The following SCN1A variants were observed in gnomAD, a reference collection of about 807,000 sequenced individuals.
The protein encoded by SCN1A is sodium channel protein type 1 subunit alpha.
Under a neutral mutation model 193.7 loss-of-function variants are expected in SCN1A, and 13 were observed. The ratio of observed to expected loss-of-function variants is 0.07; its 90% CI spans 0.04 to 0.11. The LOEUF is 0.11. Ranked by LOEUF, SCN1A falls within the 10% of genes least tolerant of loss-of-function variation. The pLI, the probability that SCN1A is intolerant of heterozygous loss-of-function variation, is 1.00. For synonymous variants in SCN1A, 781 were observed against 843.6 expected, an observed-to-expected ratio of 0.93 and a Z score of 1.29; for missense variants, 1,432 against 2,451.1, an observed-to-expected ratio of 0.58 and a Z score of 8.78.
intron 27 of SCN1A, among the ~76,000 whole-genome samples, chr2:165,994,907 T>C (rs1042789820): frequency 2.6e-5 from 4 of 152,058 alleles, no homozygotes; most frequent in Admixed American, 2.6e-4. Flanking sequence ...TCTATAACAT[T>C]ATGCATTTAA....
chr2:166,134,769 G>T (rs1193729213), intron 1 of SCN1A, among the ~76,000 whole-genome samples: 1 of 152,104 alleles, frequency 6.6e-6, no homozygotes, highest in South Asian at 2.1e-4. Flanking sequence ...TTTATATGAT[G>T]GTTATCTGTC....
At chr2:166,078,921 C>T (rs1285099115) in intron 2 of SCN1A, among the ~76,000 whole-genome samples, 1 of 151,498 alleles carries the variant, frequency 6.6e-6, no homozygotes, top group African/African-American at 2.4e-5. Flanking sequence ...GATTTTCCTT[C>T]TAAGTTTTAA....
At chr2:166,139,027 CT>C (rs1336477609) in intron 1 of SCN1A, among the ~76,000 whole-genome samples, 13 of 152,196 alleles carry the variant, frequency 8.5e-5, no homozygotes, top group African/African-American at 3.1e-4. Flanking sequence ...TGTAGTTCCT[CT>C]GTTTTGGCCA....
At chr2:165,995,056 G>T (rs560367269) in intron 27 of SCN1A, among the ~76,000 whole-genome samples, 1 of 151,726 alleles carries the variant, frequency 6.6e-6, no homozygotes. Context: ...AAAACTTCAC[G>T]TTCTTTGTCG....
At chr2:166,055,449 T>A (rs1227289762) in intron 6 of SCN1A, among the ~76,000 whole-genome samples, 2 of 151,894 alleles carry the variant, frequency 1.3e-5, no homozygotes, top group Non-Finnish European at 2.9e-5. Flanking sequence ...TACTTTAGAA[T>A]TTTTTTGTAT....
chr2:166,067,128 A>T (rs1683924383), intron 4 of SCN1A, among the ~76,000 whole-genome samples: 1 of 152,096 alleles, frequency 6.6e-6, no homozygotes, highest in Admixed American at 6.6e-5. Context: ...CTCTTTGAAA[A>T]TAGGTGCTTA....
chr2:166,016,778 G>GT (rs1693365115), intron 19 of SCN1A: 1 of 151,746 alleles, frequency 6.6e-6, no homozygotes, highest in Non-Finnish European at 1.5e-5. Flanking sequence ...ATCTAGTACA[G>GT]TATTTTCTAA....
intron 4 of SCN1A, chr2:166,071,993 C>A (rs1309142005): frequency 1.3e-5 from 2 of 152,096 alleles, no homozygotes; most frequent in Admixed American, 1.3e-4. Context: ...TTTTGTGACG[C>A]TCTTTCCTCC....
chr2:166,111,008 C>T (rs978114033), intron 2 of SCN1A, among the ~76,000 whole-genome samples: 2 of 152,070 alleles, frequency 1.3e-5, no homozygotes, highest in Non-Finnish European at 2.9e-5. Context: ...ACTGTGAGTC[C>T]GTTAAACTGC....
chr2:166,058,590 A>T lies in SCN1A; in HGVS notation c.363T>A (p.Ala121=). 1 of 1,601,878 alleles carries T rather than the reference A, an allele frequency of 6.2e-7. No homozygotes were observed. The highest frequency in any genetic ancestry group is 8.6e-7 in the Non-Finnish European group (1 of 1,169,232). Residue 121 remains alanine (A), a synonymous_variant, in exon 5 of 29, where the codon GCT becomes GCA. Transcript: ENST00000674923. ...GATATGAATGTACCAAAATCTTAATAGCTATTTTCCTAAGAGGATTGAAGG... is the reference window on the plus strand; with the variant it reads ...GATATGAATGTACCAAAATCTTAATTGCTATTTTCCTAAGAGGATTGAAGG... ...LTPFNPLRKI[A]IKILVHSLFS...
At chr2:166,023,852 T>C (rs1376831245) in intron 19 of SCN1A, among the ~76,000 whole-genome samples, 1 of 151,920 alleles carries the variant, frequency 6.6e-6, no homozygotes, top group East Asian at 1.9e-4. Context: ...CTCGGCTCAC[T>C]GTGACCTCTG....
rs114911607 is a variant in SCN1A, at chr2:166,014,335, C to T, written c.3551-437G>A. On this transcript the variant is annotated intron_variant, in intron 20 of 28. Coordinates refer to ENST00000674923, the MANE Select transcript of SCN1A (RefSeq NM_001165963.4). ...CTTCCAACAATGCTGCATTTGTTAC[C>T]ATTTAGGATTTTTTGTGATGTGCCT... Among the ~76,000 whole-genome samples, 1,249 of 151,210 alleles carry T rather than the reference C, an allele frequency of 8.3e-3. 20 individuals carry two copies. The highest frequency in any genetic ancestry group is 0.029 in the African/African-American group (1,195 of 41,342).
intron 2 of SCN1A, among the ~76,000 whole-genome samples, chr2:166,105,295 A>T (rs368648306): frequency 6.6e-6 from 1 of 152,238 alleles, no homozygotes; most frequent in South Asian, 2.1e-4. Flanking sequence ...TGAGAGAATG[A>T]ATTTGGTTAT....
Position 166,045,208 on chromosome 2 carries a change from A to G in SCN1A, c.1497T>C (p.Asn499=). The change falls in exon 13 of 29, where the codon AAT becomes AAC. Residue 499 remains asparagine, a synonymous_variant. Transcript: ENST00000674923. ...CTTTCTGTTTTCTTTTCTTCCTCCG[A>G]TTTCTTCTTTCCTTAGCACTCTTGG... The part of the protein sequence containing the change: ...LSSKSAKERR[N]RRKKRKQKEQ... The G allele has an allele frequency of 6.2e-7, 1 of 1,613,806 alleles. No homozygotes were observed.
intron 4 of SCN1A, among the ~76,000 whole-genome samples, chr2:166,063,322 T>C (rs1289766354): frequency 1.3e-5 from 2 of 152,124 alleles, no homozygotes; most frequent in East Asian, 3.8e-4. Context: ...GTAACATTCA[T>C]ACAATAGGGT....
intron 2 of SCN1A, among the ~76,000 whole-genome samples, chr2:166,106,576 G>A (rs1688719498): frequency 6.6e-6 from 1 of 152,144 alleles, no homozygotes; most frequent in African/African-American, 2.4e-5. Context: ...GCACTGAAGT[G>A]AGGATGTGTC....
At chr2:166,055,249 C>T (rs1465767232) in intron 6 of SCN1A, among the ~76,000 whole-genome samples, 5 of 150,114 alleles carry the variant, frequency 3.3e-5, no homozygotes, top group African/African-American at 1.2e-4. Context: ...TCTTTAAAAT[C>T]AAAGTAAATA....
chr2:166,102,122 C>T (rs1256253067), intron 2 of SCN1A, among the ~76,000 whole-genome samples: 1 of 152,152 alleles, frequency 6.6e-6, no homozygotes, highest in African/African-American at 2.4e-5. Context: ...TGAAAAAATG[C>T]TCAACATCAT....
intron 19 of SCN1A, among the ~76,000 whole-genome samples, chr2:166,032,833 CA>C (rs1352337899): frequency 5.3e-5 from 8 of 151,998 alleles, no homozygotes; most frequent in Non-Finnish European, 1.0e-4. Context: ...ACATGGCTAA[CA>C]AAAACAAAAA....
Sources: allele counts gnomAD v4.1 joint callset (sites outside exome capture counted in the v4.1 genomes callset), GRCh38; gene constraint gnomAD v4.1.1; transcripts MANE v1.5; gene names NCBI Gene and HGNC (gene_info 2026-07-23, HGNC 2026-07-21).